Variants in UGT1A9 observed in about 807,000 individuals in gnomAD.
UGT1A9 encodes the protein UDP glucuronosyltransferase family 1 member A9.
Under a neutral mutation model 45.0 loss-of-function variants are expected in UGT1A9, and 35 were observed. The observed-to-expected ratio is 0.78, with a 90% CI of 0.59 to 1.03. The LOEUF (loss-of-function observed/expected upper bound fraction) is 1.03. Ranked by LOEUF, UGT1A9 falls within the 50% of genes least tolerant of loss-of-function variation. The pLI, the probability that UGT1A9 is intolerant of heterozygous loss-of-function variation, is 0.00. For missense variants in UGT1A9, 687 were observed against 666.6 expected, an observed-to-expected ratio of 1.03 and a Z score of -0.34; for synonymous variants, 278 against 250.6, an observed-to-expected ratio of 1.11 and a Z score of -1.03.
intron 1 of UGT1A9, among the ~76,000 whole-genome samples, chr2:233,716,819 C>T (rs1378965211): frequency 6.6e-6 from 1 of 152,146 alleles, no homozygotes. Context: ...GCTGGGGTGA[C>T]CTCACTGACA....
At chr2:233,709,223 G>C (rs546469798) in intron 1 of UGT1A9, among the ~76,000 whole-genome samples, 1 of 152,140 alleles carries the variant, frequency 6.6e-6, no homozygotes, top group Non-Finnish European at 1.5e-5. Flanking sequence ...TGAGAGTTTG[G>C]GGGAGGGGTG....
chr2:233,725,634 A>G (rs2077463990), intron 1 of UGT1A9, among the ~76,000 whole-genome samples: 1 of 152,208 alleles, frequency 6.6e-6, no homozygotes, highest in Non-Finnish European at 1.5e-5. Flanking sequence ...TCTAGCATAT[A>G]TCTGACATTT....
At chr2:233,747,178 G>A (rs1378396151) in intron 1 of UGT1A9, 1 of 1,600,996 alleles carries the variant, frequency 6.2e-7, no homozygotes, top group African/African-American at 1.3e-5. Context: ...GGCACAGCGT[G>A]GGGTGGACAG....
At chr2:233,697,656 A>T (rs1053465804) in intron 1 of UGT1A9, among the ~76,000 whole-genome samples, 3 of 151,536 alleles carry the variant, frequency 2.0e-5, no homozygotes, top group Non-Finnish European at 2.9e-5. Flanking sequence ...CTTGAGGTGC[A>T]TTCTTAGGTT....
At chr2:233,761,970 T>C (rs1029002470) in intron 1 of UGT1A9, among the ~76,000 whole-genome samples, 6 of 152,224 alleles carry the variant, frequency 3.9e-5, no homozygotes, top group Non-Finnish European at 8.8e-5. Context: ...GGGACTGATA[T>C]CACCTTCGGA....
At chr2:233,725,402 C>T (rs1244153836) in intron 1 of UGT1A9, among the ~76,000 whole-genome samples, 1 of 151,460 alleles carries the variant, frequency 6.6e-6, no homozygotes, top group Non-Finnish European at 1.5e-5. Context: ...CCTTGATGGT[C>T]TAATACAGAA....
intron 1 of UGT1A9, among the ~76,000 whole-genome samples, chr2:233,716,137 G>A (rs931964011): frequency 4.6e-5 from 7 of 152,042 alleles, no homozygotes; most frequent in African/African-American, 1.2e-4. Flanking sequence ...GAATTCCATG[G>A]CCCTTTTCCA....
intron 1 of UGT1A9, chr2:233,682,340 G>C: frequency 6.2e-7 from 1 of 1,614,084 alleles, no homozygotes; most frequent in Non-Finnish European, 8.5e-7. Context: ...AAAATTAGTA[G>C]AATACTTAAA....
intron 1 of UGT1A9, chr2:233,743,629 T>A (rs570829500): frequency 7.3e-7 from 1 of 1,367,190 alleles, no homozygotes; most frequent in Non-Finnish European, 9.8e-7. Context: ...AGACGTCGGC[T>A]GGGTCGCGGA....
At chr2:233,735,935 C>T (rs1483779972) in intron 1 of UGT1A9, among the ~76,000 whole-genome samples, 1 of 151,986 alleles carries the variant, frequency 6.6e-6, no homozygotes, top group Non-Finnish European at 1.5e-5. Context: ...CTGTGGCTGC[C>T]CTTAACATTT....
intron 1 of UGT1A9, chr2:233,693,978 G>A (rs1189326021): frequency 1.9e-6 from 3 of 1,557,938 alleles, no homozygotes; most frequent in African/African-American, 1.4e-5. Context: ...GAGAAACGGT[G>A]GGGGGAAGTG....
At position 233,719,073 on chromosome 2, in the gene UGT1A9, A is replaced by C. The variant is rs1195063088; in HGVS notation, c.855+46284A>C. Reference sequence around the variant, plus strand: ...CCTGACAGCCTATGCTGTTCCATGGACCCAGAAGGAATTTGATCGCGTTAC... The same window carrying C: ...CCTGACAGCCTATGCTGTTCCATGGCCCCAGAAGGAATTTGATCGCGTTAC... On this transcript the variant is annotated intron_variant, in intron 1 of 4. Coordinates refer to ENST00000354728, the MANE Select transcript of UGT1A9 (RefSeq NM_021027.3). The C allele has an allele frequency of 3.7e-6, 6 of 1,614,126 alleles. No homozygotes were observed. The African/African-American group carries it at 8.0e-5, about 22-fold the overall frequency.
chr2:233,747,369 G>C lies in UGT1A9; in HGVS notation c.856-19665G>C, dbSNP rs1248922678. On this transcript the variant is annotated intron_variant, in intron 1 of 4. Coordinates refer to ENST00000354728, the MANE Select transcript of UGT1A9 (RefSeq NM_021027.3). ...GCGGGAGGCCGTGCGGGAGCTCCAT[G>C]CCAGAGGCCACCAGGCGGTGGTCCT... 94 of 1,604,318 alleles carry C rather than the reference G, an allele frequency of 5.9e-5. 1 individual carries two copies. Among genetic ancestry groups the C allele is most frequent in the South Asian group, 2.1e-4 (19 of 90,452 alleles).
intron 1 of UGT1A9, among the ~76,000 whole-genome samples, chr2:233,676,354 T>C (rs2074356881): frequency 6.6e-6 from 1 of 152,182 alleles, no homozygotes; most frequent in African/African-American, 2.4e-5. Context: ...AGAATAAATA[T>C]AGGATTATAG....
At chr2:233,718,732 G>T (rs2076679181) in intron 1 of UGT1A9, 8 of 1,611,122 alleles carry the variant, frequency 5.0e-6, no homozygotes, top group Non-Finnish European at 5.9e-6. Flanking sequence ...TTGCTAGGTG[G>T]CTCAATGACA....
rs546167427 is a variant in UGT1A9 at position 233,696,575 on chromosome 2, A to C, written c.855+23786A>C. On this transcript the variant is annotated intron_variant, in intron 1 of 4. Transcript: ENST00000354728. ...ATTATGTCATCTGAGAACAAGAATA[A>C]TTTGACTTCTTCCTTTCCAACTTGG... is the stretch of plus-strand genomic sequence containing the variant. 7.2e-5 allele frequency among the ~76,000 whole-genome samples: 11 copies of C among 151,962 alleles called. No individual in the cohort carries two copies. The South Asian group carries it at 1.3e-3, about 17-fold the overall frequency.
intron 1 of UGT1A9, among the ~76,000 whole-genome samples, chr2:233,690,063 C>T (rs2074973380): frequency 6.6e-6 from 1 of 152,196 alleles, no homozygotes; most frequent in African/African-American, 2.4e-5. Flanking sequence ...TGCAGCCCCA[C>T]CTCACAGCCT....
At chr2:233,692,672 T>G (rs1295423428) in intron 1 of UGT1A9, among the ~76,000 whole-genome samples, 1 of 152,104 alleles carries the variant, frequency 6.6e-6, no homozygotes, top group African/African-American at 2.4e-5. Context: ...GGATAGAGAA[T>G]TGGCAGGGGG....
chr2:233,689,924 T>G (rs2125543636), intron 1 of UGT1A9: 1 of 456,736 alleles, frequency 2.2e-6, no homozygotes, highest in South Asian at 1.5e-5. Flanking sequence ...TGGAATTTCC[T>G]TCGAAAGAAC....
Sources: allele counts gnomAD v4.1 joint callset (sites outside exome capture counted in the v4.1 genomes callset), GRCh38; gene constraint gnomAD v4.1.1; transcripts MANE v1.5; gene names NCBI Gene and HGNC (gene_info 2026-07-23, HGNC 2026-07-21).